The following CEP57L1 variants were observed in gnomAD, a reference collection of about 807,000 sequenced individuals.
CEP57L1 encodes centrosomal protein 57 like 1, also known as centrosomal protein CEP57L1.
A neutral mutation model predicts 61.0 loss-of-function variants in CEP57L1; 37 were observed. The observed-to-expected ratio is 0.61, with a 90% CI of 0.47 to 0.80. The LOEUF is 0.80. Among genes scored for constraint, CEP57L1 ranks in the 30% least tolerant of loss-of-function variants. The pLI, the probability that CEP57L1 is intolerant of heterozygous loss-of-function variation, is 0.00. For missense variants in CEP57L1, 422 were observed against 524.7 expected, an observed-to-expected ratio of 0.80 and a Z score of 1.91; for synonymous variants, 137 against 162.3, an observed-to-expected ratio of 0.84 and a Z score of 1.19.
chr6:109,155,854 A>G lies in CEP57L1; in HGVS notation c.721A>G (p.Lys241Glu). 1 of 1,581,402 alleles carries G rather than the reference A, an allele frequency of 6.3e-7. No individual in the cohort carries two copies. Among genetic ancestry groups the G allele is most frequent in the South Asian group, 1.1e-5 (1 of 88,244 alleles). ...TTCAGTTTCAAATCTAAAGCACTCC[A>G]AGGAAAAGAAGAAATCTTCAAAGGT... ...MSSVSNLKHS[K>E]EKKKSSKKTK... Residue 241 changes from lysine (K) to glutamate (E), a missense_variant, in exon 7 of 11, where the codon AAG (lysine) becomes GAG (glutamate). Coordinates refer to ENST00000517392, the MANE Select transcript of CEP57L1 (RefSeq NM_001271852.3).
At chr6:109,096,538 G>A (rs765056922) in intron 1 of CEP57L1, among the ~76,000 whole-genome samples, 2 of 152,170 alleles carry the variant, frequency 1.3e-5, no homozygotes, top group Non-Finnish European at 2.9e-5. Context: ...CATACTTGGC[G>A]GTGTGGGGTG....
At chr6:109,130,833 A>G (rs1360544843) in intron 1 of CEP57L1, 1 of 151,952 alleles carries the variant, frequency 6.6e-6, no homozygotes, top group Non-Finnish European at 1.5e-5. Context: ...TCTACCTCTC[A>G]CAGGTGATGT....
Position 109,169,226 on chromosome 6 carries a change from C to CAAAA in CEP57L1, c.*6274_*6277dup, listed in dbSNP as rs202070350. Among the ~76,000 whole-genome samples, 7,325 of 67,208 alleles carry CAAAA rather than the reference C, an allele frequency of 0.11. 413 individuals are homozygous for CAAAA. Among genetic ancestry groups the CAAAA allele is most frequent in the South Asian group, 0.21 (336 of 1,604 alleles). The allele number at this position is 67,208 out of a possible 152,430, so 44.1% of individuals were successfully genotyped here. On this transcript the variant is annotated 3_prime_UTR_variant, in exon 11 of 11. Transcript: ENST00000517392. ...GAGCAGCAGAGTGAGGCTCCATCAG[C>CAAAA]AAAAAAAAAAAAAAAAAAAAAGATC...
chr6:109,153,559 A>G (rs1772889357), intron 4 of CEP57L1, among the ~76,000 whole-genome samples: 2 of 151,434 alleles, frequency 1.3e-5, no homozygotes, highest in African/African-American at 4.8e-5. Flanking sequence ...TTTGCGTGTT[A>G]TATTTGCTCC....
rs1774537992 is a variant in CEP57L1, at chr6:109,174,155, GAT to G, written c.*11187_*11188del. Among the ~76,000 whole-genome samples, 1 of 151,238 alleles carries G rather than the reference GAT, an allele frequency of 6.6e-6. No homozygotes were observed. Among genetic ancestry groups the G allele is most frequent in the African/African-American group, 2.4e-5 (1 of 40,966 alleles). ...CATCTCCAATGAAGCAGTGTTAGGA[GAT>G]AGGGCCTAATGGATATAAATTACAG... On this transcript the variant is annotated 3_prime_UTR_variant, in exon 11 of 11. Coordinates refer to ENST00000517392, the MANE Select transcript of CEP57L1 (RefSeq NM_001271852.3).
chr6:109,165,163 A>G lies in CEP57L1; in HGVS notation c.*2193A>G, dbSNP rs1469569943. ...CTTAAAAATTAGTCCAGTGTAGTAGAAAAAACCACAACTTCAGAGCTAGGA... is the reference window on the plus strand; with the variant it reads ...CTTAAAAATTAGTCCAGTGTAGTAGGAAAAACCACAACTTCAGAGCTAGGA... On this transcript the variant is annotated 3_prime_UTR_variant, in exon 11 of 11. Transcript: ENST00000517392. Among the ~76,000 whole-genome samples the G allele has an allele frequency of 3.3e-5, 5 of 152,096 alleles. No homozygotes were observed. The highest frequency in any genetic ancestry group is 4.4e-5 in the Non-Finnish European group (3 of 68,002).
chr6:109,127,178 C>CA (rs911890637), intron 1 of CEP57L1, among the ~76,000 whole-genome samples: 27 of 151,650 alleles, frequency 1.8e-4, no homozygotes, highest in African/African-American at 2.4e-4. Flanking sequence ...CAAAACAAAA[C>CA]AAAAAAAACC....
intron 9 of CEP57L1, among the ~76,000 whole-genome samples, chr6:109,159,997 A>G (rs1416850457): frequency 6.6e-6 from 1 of 152,188 alleles, no homozygotes. Context: ...GCTGGTCTGC[A>G]TTACAAATTT....
intron 1 of CEP57L1, among the ~76,000 whole-genome samples, chr6:109,123,359 C>A (rs550245524): frequency 6.6e-6 from 1 of 152,300 alleles, no homozygotes; most frequent in Admixed American, 6.5e-5. Flanking sequence ...TACCTGGGTT[C>A]AAATCCCAGC....
At chr6:109,107,722 C>G (rs1488143872) in intron 1 of CEP57L1, among the ~76,000 whole-genome samples, 1 of 152,072 alleles carries the variant, frequency 6.6e-6, no homozygotes, top group Non-Finnish European at 1.5e-5. Flanking sequence ...AGGTGGATCA[C>G]TTGAGGTCAG....
intron 1 of CEP57L1, among the ~76,000 whole-genome samples, chr6:109,109,637 C>T (rs1407423325): frequency 1.3e-5 from 2 of 152,116 alleles, no homozygotes; most frequent in Non-Finnish European, 2.9e-5. Flanking sequence ...GTTTGCTGCA[C>T]CCATCAACCC....
At chr6:109,154,031 A>G (rs1029527083) in intron 5 of CEP57L1, 82 bp downstream of exon 5, 20 of 755,644 alleles carry the variant, frequency 2.6e-5, no homozygotes, top group Non-Finnish European at 4.2e-5. Context: ...ATGTAGAGTA[A>G]ATCTTAGATT....
Position 109,165,030 on chromosome 6 carries a change from A to G in CEP57L1, c.*2060A>G, listed in dbSNP as rs1024998121. ...GAGATGGAGGTTGCAGTGAGCTGAGATCTCACCACTGTACTCCAGCCTGGT... is the reference window on the plus strand; with the variant it reads ...GAGATGGAGGTTGCAGTGAGCTGAGGTCTCACCACTGTACTCCAGCCTGGT... On this transcript the variant is annotated 3_prime_UTR_variant, in exon 11 of 11. Transcript: ENST00000517392. Among the ~76,000 whole-genome samples, 1 of 151,390 alleles carries G rather than the reference A, an allele frequency of 6.6e-6. No homozygotes were observed. The highest frequency in any genetic ancestry group is 2.4e-5 in the African/African-American group (1 of 41,100).
In CEP57L1 at chr6:109,105,214, C is replaced by T. The variant is rs531774101; in HGVS notation, c.-4+9639C>T. Among the ~76,000 whole-genome samples, 43 of 151,522 alleles carry T rather than the reference C, an allele frequency of 2.8e-4. 1 individual carries two copies. The South Asian group carries it at 3.1e-3, about 11-fold the overall frequency. On this transcript the variant is annotated intron_variant, in intron 1 of 10. Coordinates refer to ENST00000517392, the MANE Select transcript of CEP57L1 (RefSeq NM_001271852.3). The stretch of plus-strand genomic sequence containing the variant: ...TTTTTATATAGTTTTATCATTTTTT[C>T]TTTTTTATTTGTAAATTGTCTTGTT...
chr6:109,134,341 G>T (rs146399652), intron 1 of CEP57L1, among the ~76,000 whole-genome samples: 75 of 152,262 alleles, frequency 4.9e-4, no homozygotes, highest in African/African-American at 1.8e-3. Context: ...CTGCAGAAAA[G>T]GCCTTTGACA....
At chr6:109,121,104 G>A (rs144264582) in intron 1 of CEP57L1, among the ~76,000 whole-genome samples, 1 of 152,144 alleles carries the variant, frequency 6.6e-6, no homozygotes, top group East Asian at 1.9e-4. Context: ...TTGTGAGAAG[G>A]ACTCTTGAGG....
intron 1 of CEP57L1, chr6:109,129,447 T>C: frequency 3.3e-6 from 2 of 607,396 alleles, no homozygotes; most frequent in South Asian, 1.5e-5. Context: ...CTGTAATTTC[T>C]TCCTCAGAAA....
In CEP57L1 at chr6:109,150,345, T is replaced by A. The variant is rs1447026673; in HGVS notation, c.462+106T>A. ...AGGCAAAGGTGGCATAATGTTAGAA[T>A]GAGGTCTAACTTACGTGTAATTGGA... is the stretch of plus-strand genomic sequence containing the variant. On this transcript the variant is annotated intron_variant, in intron 4 of 10. Coordinates refer to ENST00000517392, the MANE Select transcript of CEP57L1 (RefSeq NM_001271852.3). 8 of 1,362,582 alleles carry A rather than the reference T, an allele frequency of 5.9e-6. No homozygotes were observed. In the East Asian group the frequency reaches 1.7e-4, roughly 30 times the overall value. 84.4% of individuals were successfully genotyped at this position (1,362,582 alleles called of 1,614,324 possible).
chr6:109,134,207 A>T (rs1005361908), intron 1 of CEP57L1, among the ~76,000 whole-genome samples: 1 of 152,230 alleles, frequency 6.6e-6, no homozygotes, highest in Admixed American at 6.5e-5. Context: ...CAAAAAACTT[A>T]TCCACCAAGA....
Sources: allele counts gnomAD v4.1 joint callset (sites outside exome capture counted in the v4.1 genomes callset), GRCh38; gene constraint gnomAD v4.1.1; transcripts MANE v1.5; gene names NCBI Gene and HGNC (gene_info 2026-07-23, HGNC 2026-07-21).